PTPRA: variants seen among roughly 807,000 people sequenced by gnomAD.
PTPRA encodes the protein receptor-type tyrosine-protein phosphatase alpha.
PTPRA carries 25 observed loss-of-function variants against 104.8 expected under a neutral mutation model. That is an observed-to-expected ratio of 0.24 (90% CI 0.17 to 0.33). PTPRA has a LOEUF of 0.33. PTPRA is among the 10% of genes least tolerant of loss of function. The probability of loss-of-function intolerance (pLI) is 1.00; values close to 1 mark genes in which losing one functional copy is unlikely to be tolerated. For synonymous variants in PTPRA, 323 were observed against 368.9 expected (o/e 0.88, Z 1.43); for missense variants, 765 against 1,015.3 (o/e 0.75, Z 3.35).
chr20:2,895,100 A>G (rs1213911184), intron 1 of PTPRA, among the ~76,000 whole-genome samples: 1 of 151,934 alleles, frequency 6.6e-6, no homozygotes, highest in African/African-American at 2.4e-5. Context: ...TATTTTAGAC[A>G]GAGTCTTGAT....
chr20:2,980,343 T>C (rs1037748616), intron 6 of PTPRA, among the ~76,000 whole-genome samples: 2 of 151,752 alleles, frequency 1.3e-5, no homozygotes, highest in East Asian at 3.9e-4. Context: ...TGAGGCAGGC[T>C]GATCACCTGA....
chr20:2,900,833 A>T (rs2059205008), intron 1 of PTPRA, among the ~76,000 whole-genome samples: 1 of 149,170 alleles, frequency 6.7e-6, no homozygotes, highest in South Asian at 2.2e-4. Flanking sequence ...CTCCAGCCTG[A>T]GCAACAAGAG....
chr20:2,873,267 GGGTCCAGCTTCCC>G (rs1349983678), upstream of PTPRA, among the ~76,000 whole-genome samples: 1 of 152,140 alleles, frequency 6.6e-6, no homozygotes, highest in Non-Finnish European at 1.5e-5. This position sits in a 1 kb window ranked among gnomAD's most constrained non-coding sequence, Gnocchi z 4.4. Flanking sequence ...GGTCCTTCCG[GGGTCCAGCTTCCC>G]GAAGGACTGG....
chr20:3,015,094 C>G (rs1327512354), intron 11 of PTPRA, among the ~76,000 whole-genome samples: 3 of 152,108 alleles, frequency 2.0e-5, no homozygotes, highest in African/African-American at 7.2e-5. Context: ...AGATTTTGCA[C>G]CTGGGTAAAG....
At chr20:2,926,278 T>G (rs2060291637) in intron 2 of PTPRA, among the ~76,000 whole-genome samples, 1 of 152,164 alleles carries the variant, frequency 6.6e-6, no homozygotes, top group African/African-American at 2.4e-5. Flanking sequence ...AATAGAAATT[T>G]ATTGTCTCAG....
intron 9 of PTPRA, among the ~76,000 whole-genome samples, chr20:2,999,067 G>A (rs1006644327): frequency 6.6e-6 from 1 of 151,856 alleles, no homozygotes; most frequent in Admixed American, 6.6e-5. Context: ...AAAATTTAAT[G>A]CATTTCTATA....
At chr20:2,946,258 T>G (rs1232667489) in intron 2 of PTPRA, among the ~76,000 whole-genome samples, 1 of 152,092 alleles carries the variant, frequency 6.6e-6, no homozygotes, top group African/African-American at 2.4e-5. Flanking sequence ...GACTTAGAAC[T>G]GTATTAATGA....
At chr20:2,947,111 G>C (rs2061164636) in intron 2 of PTPRA, among the ~76,000 whole-genome samples, 1 of 152,102 alleles carries the variant, frequency 6.6e-6, no homozygotes, top group African/African-American at 2.4e-5. Context: ...TGCTTTGAAG[G>C]AACTTGGACT....
At position 2,964,348 on chromosome 20, in the gene PTPRA, C is replaced by A; in HGVS notation, c.71C>A (p.Thr24Lys). ...LICVSANNAT[T>K]VAPSVGITRL... ...TGTGTCAGTGCCAACAATGCTACCA[C>A]AGGTAAATTGTCATTTGATAAGGCT... is the stretch of plus-strand genomic sequence containing the variant. Residue 24 changes from threonine to lysine, a missense_variant and splice_region_variant, in exon 4 of 24, where the codon ACA (threonine) becomes AAA (lysine). Physicochemically the swap from Thr to Lys is moderately conservative, Grantham distance 78. Transcript: ENST00000399903. 1.3e-6 allele frequency: 2 copies of A among 1,592,772 alleles called. No homozygotes were observed. Among genetic ancestry groups the A allele is most frequent in the African/African-American group, 1.3e-5 (1 of 74,168 alleles).
intron 20 of PTPRA, among the ~76,000 whole-genome samples, chr20:3,028,948 G>A (rs1485587779): frequency 6.6e-6 from 1 of 152,130 alleles, no homozygotes; most frequent in Admixed American, 6.5e-5. Context: ...AGGAATTAAG[G>A]ATGGCACCCA....
intron 1 of PTPRA, among the ~76,000 whole-genome samples, chr20:2,920,538 G>A (rs1362687502): frequency 6.6e-6 from 1 of 152,152 alleles, no homozygotes; most frequent in Non-Finnish European, 1.5e-5. Flanking sequence ...TGAGAAGATT[G>A]GAAGATGGGA....
At chr20:2,943,326 A>T (rs2060999669) in intron 2 of PTPRA, among the ~76,000 whole-genome samples, 1 of 150,646 alleles carries the variant, frequency 6.6e-6, no homozygotes, top group Non-Finnish European at 1.5e-5. Flanking sequence ...TAAGGGATTG[A>T]TTCACAGTGG....
At chr20:2,969,174 A>G (rs985294526) in intron 5 of PTPRA, among the ~76,000 whole-genome samples, 2 of 151,756 alleles carry the variant, frequency 1.3e-5, no homozygotes, top group African/African-American at 2.4e-5. Context: ...TCCCTGCACT[A>G]TAGCCTGGGG....
Position 3,037,435 on chromosome 20 carries a change from A to C in PTPRA, c.2334+146A>C. The C allele has an allele frequency of 3.1e-6, 4 of 1,299,970 alleles. No individual in the cohort carries two copies. The highest frequency in any genetic ancestry group is 4.2e-6 in the Non-Finnish European group (4 of 950,736). 80.5% of individuals were successfully genotyped at this position (1,299,970 alleles called of 1,614,324 possible). On this transcript the variant is annotated intron_variant, in intron 23 of 23. Coordinates refer to ENST00000399903, the MANE Select transcript of PTPRA (RefSeq NM_001385305.1). The surrounding 1 kb of genome is among the most constrained non-coding windows in gnomAD (Gnocchi z 4.3). ...TGCCCTCCCAAGGTGCCCCAAATAC[A>C]CAGGAAACATTGGGAGGCAGGATGG... is the stretch of plus-strand genomic sequence containing the variant.
chr20:3,035,523 G>T lies in PTPRA; in HGVS notation c.1921-62G>T. 6.5e-7 allele frequency: 1 copy of T among 1,529,358 alleles called. No individual in the cohort carries two copies. Among genetic ancestry groups the T allele is most frequent in the Non-Finnish European group, 9.0e-7 (1 of 1,109,894 alleles). The allele number at this position is 1,529,358 out of a possible 1,614,324, so 94.7% of individuals were successfully genotyped here. A position where few individuals can be genotyped will look rare whatever the true frequency, so the allele number is the denominator to read the frequency against. Reference sequence around the variant, plus strand: ...CTGAGAGGGGTCAGGCTGCTCGTGGGCAGTGCTGCTTCTACACATGTGGTA... The same window carrying T: ...CTGAGAGGGGTCAGGCTGCTCGTGGTCAGTGCTGCTTCTACACATGTGGTA... On this transcript the variant is annotated intron_variant, in intron 20 of 23. Coordinates refer to ENST00000399903, the MANE Select transcript of PTPRA (RefSeq NM_001385305.1). This position sits in a 1 kb window ranked among gnomAD's most constrained non-coding sequence, Gnocchi z 5.8.
chr20:3,035,446 C>G lies in PTPRA; in HGVS notation c.1921-139C>G. ...GGAATGATGTGATATAATGATCCTG[C>G]AAGTTTTCAATACCTTGGGGACGAA... On this transcript the variant is annotated intron_variant, in intron 20 of 23. Coordinates refer to ENST00000399903, the MANE Select transcript of PTPRA (RefSeq NM_001385305.1). The surrounding 1 kb of genome is among the most constrained non-coding windows in gnomAD (Gnocchi z 5.8). The G allele has an allele frequency of 1.0e-6, 1 of 982,092 alleles. No homozygotes were observed. The highest frequency in any genetic ancestry group is 2.9e-4 in the Middle Eastern group (1 of 3,486). The allele number at this position is 982,092 out of a possible 1,614,324, so 60.8% of individuals were successfully genotyped here.
chr20:2,999,634 C>CT (rs904992512), intron 9 of PTPRA, among the ~76,000 whole-genome samples: 4 of 152,118 alleles, frequency 2.6e-5, no homozygotes, highest in African/African-American at 9.7e-5. Context: ...TAAATAGTGC[C>CT]TGGGACCATT....
rs2065737089 is a variant in PTPRA at position 3,035,222 on chromosome 20, G to C, written c.1921-363G>C. ...GAATTGGTTCTGATTTTCTGAATTA[G>C]CAGTCTGGCGGATGTAAGCAGCATT... On this transcript the variant is annotated intron_variant, in intron 20 of 23. Transcript: ENST00000399903. This position sits in a 1 kb window ranked among gnomAD's most constrained non-coding sequence, Gnocchi z 5.8. Among the ~76,000 whole-genome samples, 1 of 152,178 alleles carries C rather than the reference G, an allele frequency of 6.6e-6. No individual in the cohort carries two copies. Among genetic ancestry groups the C allele is most frequent in the Non-Finnish European group, 1.5e-5 (1 of 68,032 alleles).
chr20:2,951,100 C>G (rs184928308), intron 3 of PTPRA, among the ~76,000 whole-genome samples: 33 of 151,544 alleles, frequency 2.2e-4, no homozygotes, highest in Middle Eastern at 3.4e-3. Context: ...TTGTTTCTTT[C>G]TTTCTTTCTT....
Sources: allele counts gnomAD v4.1 joint callset (sites outside exome capture counted in the v4.1 genomes callset), GRCh38; gene constraint gnomAD v4.1.1; non-coding constraint Gnocchi (gnomAD v3.1); transcripts MANE v1.5; gene names NCBI Gene and HGNC (gene_info 2026-07-23, HGNC 2026-07-21).